Variants in KCNQ5 observed in about 807,000 individuals in gnomAD.
KCNQ5 encodes potassium voltage-gated channel subfamily KQT member 5.
KCNQ5 carries 30 observed loss-of-function variants against 98.2 expected under a neutral mutation model. That is an observed-to-expected ratio of 0.31 (90% CI 0.23 to 0.41). The LOEUF (loss-of-function observed/expected upper bound fraction) is 0.41, where lower values mean the gene tolerates loss of function less well. Among genes scored for constraint, KCNQ5 ranks in the 10% least tolerant of loss-of-function variants. The pLI is 1.00. For synonymous variants in KCNQ5, 458 were observed against 449.4 expected (o/e 1.02, Z -0.24); for missense variants, 835 against 1,182.5 (o/e 0.71, Z 4.31).
At chr6:72,795,228 G>C (rs1329749049) in intron 1 of KCNQ5, among the ~76,000 whole-genome samples, 2 of 152,122 alleles carry the variant, frequency 1.3e-5, no homozygotes, top group African/African-American at 4.8e-5. Flanking sequence ...AATACTGTGG[G>C]CTGGGGCATG....
chr6:72,634,068 A>G (rs6913237), intron 1 of KCNQ5, among the ~76,000 whole-genome samples: 61,500 of 152,126 alleles, frequency 0.4, 13,295 homozygotes, highest in Middle Eastern at 0.51. Context: ...TTAGGCTGCT[A>G]TAATCTTGAT....
chr6:72,745,594 G>C (rs1246770267), intron 1 of KCNQ5, among the ~76,000 whole-genome samples: 2 of 152,132 alleles, frequency 1.3e-5, no homozygotes, highest in African/African-American at 2.4e-5. Context: ...GCAGCTTTTT[G>C]AGACAAGAAT....
intron 1 of KCNQ5, among the ~76,000 whole-genome samples, chr6:72,698,469 C>T (rs1208994102): frequency 1.3e-5 from 2 of 152,132 alleles, no homozygotes; most frequent in East Asian, 3.9e-4. Context: ...TCCCAAAATG[C>T]TGGGATTACA....
At chr6:72,670,594 C>T (rs548246807) in intron 1 of KCNQ5, among the ~76,000 whole-genome samples, 2 of 152,238 alleles carry the variant, frequency 1.3e-5, no homozygotes, top group South Asian at 4.2e-4. Flanking sequence ...GAATAAGTAA[C>T]TTAAACGACA....
chr6:72,631,766 A>T (rs1011608855), intron 1 of KCNQ5, among the ~76,000 whole-genome samples: 3 of 152,238 alleles, frequency 2.0e-5, no homozygotes, highest in Non-Finnish European at 4.4e-5. Context: ...GACACTAGCT[A>T]CAAGGAAATA....
At chr6:73,023,817 G>A (rs1466426717) in intron 2 of KCNQ5, among the ~76,000 whole-genome samples, 1 of 152,118 alleles carries the variant, frequency 6.6e-6, no homozygotes, top group Non-Finnish European at 1.5e-5. Context: ...TTGCATTGAG[G>A]ACTTATTGAT....
intron 1 of KCNQ5, among the ~76,000 whole-genome samples, chr6:72,752,970 T>C (rs1223096489): frequency 2.0e-5 from 3 of 152,132 alleles, no homozygotes; most frequent in Non-Finnish European, 2.9e-5. Context: ...CCATTGTCAA[T>C]GTTTGAATAT....
intron 11 of KCNQ5, among the ~76,000 whole-genome samples, chr6:73,185,201 C>T (rs1582504063): frequency 6.6e-6 from 1 of 152,094 alleles, no homozygotes; most frequent in Non-Finnish European, 1.5e-5. Context: ...TTTTTTGAGA[C>T]AAGGTCCCAC....
intron 1 of KCNQ5, among the ~76,000 whole-genome samples, chr6:72,968,950 T>C (rs533875820): frequency 6.6e-6 from 1 of 152,166 alleles, no homozygotes; most frequent in East Asian, 1.9e-4. Context: ...AGTCATCCAA[T>C]TGGTATGTGA....
At chr6:72,719,258 T>G (rs1425686835) in intron 1 of KCNQ5, among the ~76,000 whole-genome samples, 1 of 152,180 alleles carries the variant, frequency 6.6e-6, no homozygotes, top group African/African-American at 2.4e-5. Context: ...AGACTGACAA[T>G]GCTCATTGAG....
intron 1 of KCNQ5, among the ~76,000 whole-genome samples, chr6:72,870,622 C>T (rs758159766): frequency 1.4e-4 from 22 of 152,234 alleles, no homozygotes; most frequent in Non-Finnish European, 2.2e-4. Context: ...ACAATAAATT[C>T]GGCATCTTTA....
At chr6:72,966,046 C>T (rs1397208222) in intron 1 of KCNQ5, among the ~76,000 whole-genome samples, 5 of 152,186 alleles carry the variant, frequency 3.3e-5, no homozygotes, top group African/African-American at 1.2e-4. Context: ...AGTTAGAGCA[C>T]TTCCCACCAT....
chr6:73,094,507 T>A (rs1029085516), intron 5 of KCNQ5, among the ~76,000 whole-genome samples: 1 of 152,156 alleles, frequency 6.6e-6, no homozygotes, highest in Non-Finnish European at 1.5e-5. Context: ...TATTTTTGTT[T>A]TATAGGTCCT....
chr6:72,676,824 G>C (rs1767435263), intron 1 of KCNQ5, among the ~76,000 whole-genome samples: 1 of 148,790 alleles, frequency 6.7e-6, no homozygotes, highest in East Asian at 1.9e-4. Context: ...TTCAAAAAAG[G>C]CTGCTGTAAC....
At chr6:72,858,186 T>C (rs899578363) in intron 1 of KCNQ5, among the ~76,000 whole-genome samples, 1 of 152,158 alleles carries the variant, frequency 6.6e-6, no homozygotes, top group Non-Finnish European at 1.5e-5. Context: ...AACTTTAAAA[T>C]ACATTTTTGC....
chr6:72,731,474 C>A lies in KCNQ5; in HGVS notation c.398+108887C>A, dbSNP rs149737948. On this transcript the variant is annotated intron_variant, in intron 1 of 13. Transcript: ENST00000370398. ...TGAGTTATGGGTATAGGCATTCCAA[C>A]ACTGTTATGGGACTAACTAACGCAT... Among the ~76,000 whole-genome samples the A allele has an allele frequency of 3.9e-3, 590 of 152,334 alleles. 3 individuals carry two copies. Among genetic ancestry groups the A allele is most frequent in the African/African-American group, 0.014 (563 of 41,568 alleles).
intron 2 of KCNQ5, among the ~76,000 whole-genome samples, chr6:73,008,470 T>C (rs566518035): frequency 5.0e-4 from 76 of 152,086 alleles, no homozygotes; most frequent in African/African-American, 1.8e-3. Context: ...GCTATACTAA[T>C]AACATACAAA....
intron 1 of KCNQ5, among the ~76,000 whole-genome samples, chr6:72,922,722 G>T (rs983103215): frequency 1.3e-5 from 2 of 151,324 alleles, no homozygotes; most frequent in South Asian, 2.1e-4. Context: ...TCCATGTTTT[G>T]GCAAATGACT....
chr6:72,761,372 T>C (rs1582240087), intron 1 of KCNQ5, among the ~76,000 whole-genome samples: 1 of 152,110 alleles, frequency 6.6e-6, no homozygotes, highest in East Asian at 1.9e-4. Context: ...TTTCAGTAGA[T>C]TCAGATTATG....
Sources: gnomAD v4.1 joint callset for allele counts (sites outside exome capture counted in the v4.1 genomes callset) on GRCh38, gnomAD v4.1.1 for gene constraint, MANE v1.5 for transcripts, NCBI Gene and HGNC (gene_info 2026-07-23, HGNC 2026-07-21) for gene names.